The following TMEM132D variants were observed in gnomAD, a reference collection of about 807,000 sequenced individuals.
TMEM132D encodes mature OL transmembrane protein.
Under a neutral mutation model 62.3 loss-of-function variants are expected in TMEM132D, and 21 were observed. The observed-to-expected ratio is 0.34, with a 90% CI of 0.24 to 0.49. The LOEUF is 0.49. Among genes scored for constraint, TMEM132D ranks in the 20% least tolerant of loss-of-function variants. The pLI, the probability that TMEM132D is intolerant of heterozygous loss-of-function variation, is 0.99. For missense variants in TMEM132D, 1,346 were observed against 1,402.8 expected (o/e 0.96, Z 0.65); for synonymous variants, 621 against 575.6 (o/e 1.08, Z -1.13).
chr12:129,837,242 A>G (rs1251163894), intron 1 of TMEM132D, among the ~76,000 whole-genome samples: 1 of 152,164 alleles, frequency 6.6e-6, no homozygotes, highest in Non-Finnish European at 1.5e-5. Context: ...ATTTTGTGAC[A>G]ATTTTCTTTG....
chr12:129,791,787 G>A (rs1011305915), intron 1 of TMEM132D, among the ~76,000 whole-genome samples: 26 of 152,064 alleles, frequency 1.7e-4, no homozygotes, highest in Admixed American at 8.5e-4. Flanking sequence ...CTGATTCTTT[G>A]AATGTTGGCT....
intron 3 of TMEM132D, among the ~76,000 whole-genome samples, chr12:129,341,119 A>G (rs1718421159): frequency 6.6e-6 from 1 of 151,874 alleles, no homozygotes; most frequent in Admixed American, 6.6e-5. Context: ...AGCTTTCCAA[A>G]CTCTTGCGTA....
At chr12:129,495,258 A>T (rs1447464674) in intron 3 of TMEM132D, among the ~76,000 whole-genome samples, 2 of 152,202 alleles carry the variant, frequency 1.3e-5, no homozygotes, top group African/African-American at 4.8e-5. Flanking sequence ...ACCCATAAGT[A>T]TCAGCAAAAC....
At chr12:129,761,810 C>A (rs1047925733) in intron 1 of TMEM132D, among the ~76,000 whole-genome samples, 6 of 152,148 alleles carry the variant, frequency 3.9e-5, no homozygotes, top group South Asian at 2.1e-4. Context: ...GCTGCCTCCA[C>A]AAATCCCTAC....
intron 1 of TMEM132D, among the ~76,000 whole-genome samples, chr12:129,744,629 C>T (rs1869717326): frequency 6.6e-6 from 1 of 152,112 alleles, no homozygotes; most frequent in Non-Finnish European, 1.5e-5. Flanking sequence ...TTAAGGAGCG[C>T]ACTCTCAGGC....
At chr12:129,337,441 GCACACACA>G (rs34583805) in intron 4 of TMEM132D, among the ~76,000 whole-genome samples, 185 bp downstream of exon 4, 34 of 148,226 alleles carry the variant, frequency 2.3e-4, no homozygotes, top group South Asian at 8.7e-4. Context: ...ATACACACAC[GCACACACA>G]CACACACACA....
chr12:129,895,963 CTTTTTTTTTT>C (rs957389211), intron 1 of TMEM132D, among the ~76,000 whole-genome samples: 9 of 97,852 alleles, frequency 9.2e-5, no homozygotes, highest in African/African-American at 2.9e-4. Flanking sequence ...CTCTGTCTCT[CTTTTTTTTTT>C]TTTTTTTTTT....
rs1490347273 is a variant in TMEM132D at position 129,247,605 on chromosome 12, G to A, written c.1300-37942C>T. Among the ~76,000 whole-genome samples, 4 of 152,292 alleles carry A rather than the reference G, an allele frequency of 2.6e-5. No individual in the cohort carries two copies. The East Asian group carries it at 5.8e-4, about 22-fold the overall frequency. ...CAAGACGTTGCTACAAATCATGCTGGTAAGAGTCACACGACTGTGGAACAA... is the reference window on the plus strand; with the variant it reads ...CAAGACGTTGCTACAAATCATGCTGATAAGAGTCACACGACTGTGGAACAA... On this transcript the variant is annotated intron_variant, in intron 4 of 8. Coordinates refer to ENST00000422113, the MANE Select transcript of TMEM132D (RefSeq NM_133448.3).
chr12:129,080,878 A>T (rs898979508), intron 7 of TMEM132D, among the ~76,000 whole-genome samples: 1 of 152,128 alleles, frequency 6.6e-6, no homozygotes, highest in African/African-American at 2.4e-5. Flanking sequence ...GTGTTTCAAA[A>T]CCCAAGTGTT....
intron 4 of TMEM132D, among the ~76,000 whole-genome samples, chr12:129,290,751 A>G (rs1251161999): frequency 6.6e-6 from 1 of 152,242 alleles, no homozygotes; most frequent in Non-Finnish European, 1.5e-5. Context: ...TGTAATTAAC[A>G]TTCACAATAA....
At chr12:129,412,714 G>A (rs10744415) in intron 3 of TMEM132D, among the ~76,000 whole-genome samples, 17,191 of 152,176 alleles carry the variant, frequency 0.11, 1,530 homozygotes, top group East Asian at 0.44. Context: ...TTAGCTGGGT[G>A]TGGTGGTGGG....
intron 5 of TMEM132D, among the ~76,000 whole-genome samples, chr12:129,172,139 C>T (rs944246360): frequency 6.6e-6 from 1 of 152,230 alleles, no homozygotes; most frequent in African/African-American, 2.4e-5. Flanking sequence ...TGCTGCTTCA[C>T]CTTGCACTTT....
chr12:129,129,775 C>T (rs903655503), intron 5 of TMEM132D, among the ~76,000 whole-genome samples: 3 of 151,962 alleles, frequency 2.0e-5, no homozygotes, highest in Admixed American at 6.6e-5. Context: ...TCTTGTTGGC[C>T]GCTCGTATGT....
chr12:129,704,502 G>A (rs1881456805), intron 1 of TMEM132D, among the ~76,000 whole-genome samples: 1 of 152,186 alleles, frequency 6.6e-6, no homozygotes, highest in Admixed American at 6.5e-5. Context: ...AGTGATGGGG[G>A]CAGGAGGTTT....
Position 129,716,084 on chromosome 12 carries a change from G to T in TMEM132D, c.80-15386C>A, listed in dbSNP as rs114504812. 5.7e-3 allele frequency among the ~76,000 whole-genome samples: 869 copies of T among 152,312 alleles called. 11 individuals are homozygous for T. Among genetic ancestry groups the T allele is most frequent in the African/African-American group, 0.02 (832 of 41,578 alleles). On this transcript the variant is annotated intron_variant, in intron 1 of 8. Transcript: ENST00000422113. ...GTAGATAAATCTCACTTTTTCACGT[G>T]CATCGTCCTAAAGTCTCCTAACTCC...
chr12:129,529,259 G>A (rs1230742664), intron 3 of TMEM132D, among the ~76,000 whole-genome samples: 1 of 152,214 alleles, frequency 6.6e-6, no homozygotes, highest in East Asian at 1.9e-4. Flanking sequence ...TAAAAGAAGA[G>A]CTTTATATTC....
At chr12:129,627,138 T>G (rs1234404908) in intron 2 of TMEM132D, among the ~76,000 whole-genome samples, 2 of 152,136 alleles carry the variant, frequency 1.3e-5, no homozygotes, top group Non-Finnish European at 2.9e-5. Flanking sequence ...TCTTTACACA[T>G]GACGAGAACT....
chr12:129,787,000 G>C (rs1033666835), intron 1 of TMEM132D, among the ~76,000 whole-genome samples: 7 of 134,676 alleles, frequency 5.2e-5, no homozygotes, highest in Non-Finnish European at 1.2e-4. Context: ...GTTGCAGAAT[G>C]ATGAGGGGCT....
chr12:129,627,138 TGAC>T (rs1879242017), intron 2 of TMEM132D, among the ~76,000 whole-genome samples: 1 of 152,136 alleles, frequency 6.6e-6, no homozygotes, highest in Non-Finnish European at 1.5e-5. Context: ...TCTTTACACA[TGAC>T]GAGAACTAGG....
Sources: gnomAD v4.1 joint callset for allele counts (sites outside exome capture counted in the v4.1 genomes callset) on GRCh38, gnomAD v4.1.1 for gene constraint, MANE v1.5 for transcripts, NCBI Gene and HGNC (gene_info 2026-07-23, HGNC 2026-07-21) for gene names.